The following CDYL2 variants were observed in gnomAD, a reference collection of about 807,000 sequenced individuals.
CDYL2 encodes chromodomain Y-like protein 2.
A neutral mutation model predicts 49.4 loss-of-function variants in CDYL2; 23 were observed. The ratio of observed to expected loss-of-function variants is 0.47; its 90% CI spans 0.34 to 0.66. The LOEUF (loss-of-function observed/expected upper bound fraction) is 0.66, where lower values mean the gene tolerates loss of function less well. Ranked by LOEUF, CDYL2 falls within the 30% of genes least tolerant of loss-of-function variation. The pLI, the probability that CDYL2 is intolerant of heterozygous loss-of-function variation, is 0.01. For missense variants in CDYL2, 678 were observed against 656.4 expected, an observed-to-expected ratio of 1.03 and a Z score of -0.36; for synonymous variants, 360 against 268.8, an observed-to-expected ratio of 1.34 and a Z score of -3.32.
intron 2 of CDYL2, among the ~76,000 whole-genome samples, chr16:80,654,866 G>A (rs548929753): frequency 2.0e-5 from 3 of 152,344 alleles, no homozygotes; most frequent in South Asian, 2.1e-4. Flanking sequence ...AGTGAACTTC[G>A]GAGAGTAAAC....
Position 80,633,148 on chromosome 16 carries a change from C to G in CDYL2, c.705G>C (p.Arg235Ser), listed in dbSNP as rs780027195. The change falls in exon 3 of 7, where the codon AGG (arginine) becomes AGC (serine). Residue 235 changes from arginine (R) to serine (S), a missense_variant. By Grantham distance (110) the Arg-to-Ser change is moderately radical (BLOSUM62 -1). Coordinates refer to ENST00000570137, the MANE Select transcript of CDYL2 (RefSeq NM_152342.4). ...CATTCTGGCGGACACTGTATCTGAG[C>G]CTTTTGTCAAAGACGTAGTCCTTCT... Reference protein sequence around the residue: ...EAEKDYVFDKRLRYSVRQNES... With the variant: ...EAEKDYVFDKSLRYSVRQNES... The G allele has an allele frequency of 2.5e-6, 4 of 1,614,078 alleles. No homozygotes were observed. The highest frequency in any genetic ancestry group is 3.4e-6 in the Non-Finnish European group (4 of 1,180,046).
At chr16:80,740,931 CAACTTA>C (rs1222326357) in intron 1 of CDYL2, among the ~76,000 whole-genome samples, 1 of 150,978 alleles carries the variant, frequency 6.6e-6, no homozygotes. Context: ...TTAATTTTTT[CAACTTA>C]AAGCAATTTC....
At chr16:80,616,118 G>A (rs1424078650) in intron 4 of CDYL2, among the ~76,000 whole-genome samples, 1 of 152,192 alleles carries the variant, frequency 6.6e-6, no homozygotes, top group Non-Finnish European at 1.5e-5. Context: ...TGTGGCAGAA[G>A]GAGCAACAAC....
At chr16:80,684,502 C>T (rs780304676) in intron 2 of CDYL2, 36 bp downstream of exon 2, 3 of 1,584,978 alleles carry the variant, frequency 1.9e-6, no homozygotes, top group South Asian at 1.2e-5. Context: ...TTCGCCATGG[C>T]CAGAGCCAAA....
chr16:80,614,009 CCTAA>C (rs199755803), intron 4 of CDYL2, among the ~76,000 whole-genome samples: 4,528 of 152,268 alleles, frequency 0.03, 85 homozygotes, highest in Middle Eastern at 0.041. Context: ...TTGCAATCAC[CCTAA>C]CTATTTGCTT....
intron 3 of CDYL2, among the ~76,000 whole-genome samples, chr16:80,630,645 C>T (rs991403978): frequency 3.9e-5 from 6 of 151,968 alleles, no homozygotes; most frequent in African/African-American, 1.5e-4. Context: ...CTGTTACAGG[C>T]GGAGGATGGA....
At chr16:80,768,253 C>G (rs1906791252) in intron 1 of CDYL2, among the ~76,000 whole-genome samples, 1 of 151,898 alleles carries the variant, frequency 6.6e-6, no homozygotes, top group Non-Finnish European at 1.5e-5. Flanking sequence ...CCTCCATTCC[C>G]TCTCTCTCTC....
rs1597167499 is a variant in CDYL2, at chr16:80,678,303, C to A, written c.616+6235G>T. Among the ~76,000 whole-genome samples the A allele has an allele frequency of 2.0e-5, 3 of 152,104 alleles. No homozygotes were observed. The East Asian group carries it at 5.8e-4, about 29-fold the overall frequency. On this transcript the variant is annotated intron_variant, in intron 2 of 6. Coordinates refer to ENST00000570137, the MANE Select transcript of CDYL2 (RefSeq NM_152342.4). ...AAGAGCTTCTGTACAGCAAAAGAAA[C>A]TACCATCAGAGTGAACAGGCAACCC... is the stretch of plus-strand genomic sequence containing the variant.
rs2142371478 is a variant in CDYL2, at chr16:80,617,245, GT to G, written c.1007+3517del. Among the ~76,000 whole-genome samples, 2 of 152,318 alleles carry G rather than the reference GT, an allele frequency of 1.3e-5. 1 individual carries two copies. The highest frequency in any genetic ancestry group is 4.1e-4 in the South Asian group (2 of 4,826). On this transcript the variant is annotated intron_variant, in intron 4 of 6. Coordinates refer to ENST00000570137, the MANE Select transcript of CDYL2 (RefSeq NM_152342.4). ...TTCTTTAGGCAAGGATGAGGAGGGG[GT>G]GAGAGTACCACTCACGGGGTGCCAA... is the stretch of plus-strand genomic sequence containing the variant.
chr16:80,738,430 A>T (rs1424558068), intron 1 of CDYL2, among the ~76,000 whole-genome samples: 1 of 152,200 alleles, frequency 6.6e-6, no homozygotes, highest in East Asian at 1.9e-4. Flanking sequence ...TTTAGGAAAC[A>T]AAAAGAAATG....
rs569074366 is a variant in CDYL2, at chr16:80,766,892, G to A, written c.24+37258C>T. On this transcript the variant is annotated intron_variant, in intron 1 of 6. Transcript: ENST00000570137. Reference sequence around the variant, plus strand: ...CTGGCTAAGCACTGACTGTATACCAGGCACTGGTTTTTACAAATACTGACT... The same window carrying A: ...CTGGCTAAGCACTGACTGTATACCAAGCACTGGTTTTTACAAATACTGACT... Among the ~76,000 whole-genome samples, 9 of 152,326 alleles carry A rather than the reference G, an allele frequency of 5.9e-5. No individual in the cohort carries two copies. The East Asian group carries it at 1.7e-3, about 29-fold the overall frequency.
intron 2 of CDYL2, among the ~76,000 whole-genome samples, chr16:80,669,773 G>A (rs1909422900): frequency 6.6e-6 from 1 of 152,204 alleles, no homozygotes; most frequent in Non-Finnish European, 1.5e-5. Context: ...GCACCTGTCG[G>A]AACTTGGACA....
At chr16:80,722,966 T>A (rs551943086) in intron 1 of CDYL2, among the ~76,000 whole-genome samples, 1 of 152,172 alleles carries the variant, frequency 6.6e-6, no homozygotes, top group Non-Finnish European at 1.5e-5. Flanking sequence ...AAGGAGGATT[T>A]CCACAAGCAG....
chr16:80,659,687 C>A (rs1908964010), intron 2 of CDYL2, among the ~76,000 whole-genome samples: 1 of 151,738 alleles, frequency 6.6e-6, no homozygotes, highest in South Asian at 2.1e-4. Context: ...ACTGGTTAAT[C>A]AGAAAATGGG....
chr16:80,776,459 G>C (rs1161521754), intron 1 of CDYL2, among the ~76,000 whole-genome samples: 1 of 151,978 alleles, frequency 6.6e-6, no homozygotes, highest in Non-Finnish European at 1.5e-5. Flanking sequence ...GCAGCCGTCT[G>C]TAATATCAAA....
intron 2 of CDYL2, among the ~76,000 whole-genome samples, chr16:80,637,322 G>C (rs1002701883): frequency 2.0e-5 from 3 of 152,228 alleles, no homozygotes; most frequent in South Asian, 4.1e-4. Context: ...GTGAGAAATG[G>C]ATGCTTTGCC....
At chr16:80,669,719 C>T (rs1448659246) in intron 2 of CDYL2, among the ~76,000 whole-genome samples, 1 of 152,196 alleles carries the variant, frequency 6.6e-6, no homozygotes, top group African/African-American at 2.4e-5. Flanking sequence ...GAAAGCAGAG[C>T]CTGTGTTCTC....
intron 1 of CDYL2, among the ~76,000 whole-genome samples, chr16:80,692,920 G>C (rs1450107705): frequency 6.6e-6 from 1 of 152,136 alleles, no homozygotes; most frequent in Non-Finnish European, 1.5e-5. Context: ...AAAACCTGGA[G>C]AAATCTAAGT....
chr16:80,652,548 C>T (rs1567556638), intron 2 of CDYL2, among the ~76,000 whole-genome samples: 1 of 152,148 alleles, frequency 6.6e-6, no homozygotes, highest in Non-Finnish European at 1.5e-5. Flanking sequence ...AGTATAACTT[C>T]CCATTCCTGA....
Sources: allele counts gnomAD v4.1 joint callset (sites outside exome capture counted in the v4.1 genomes callset), GRCh38; gene constraint gnomAD v4.1.1; transcripts MANE v1.5; gene names NCBI Gene and HGNC (gene_info 2026-07-23, HGNC 2026-07-21).